CLIC4: variants seen among roughly 807,000 people sequenced by gnomAD.
CLIC4 encodes the protein chloride intracellular channel protein 4.
In CLIC4, 13 loss-of-function variants were observed where a neutral mutation model predicts 24.6. That is an observed-to-expected ratio of 0.53 (90% CI 0.34 to 0.84). The LOEUF is 0.84. Among genes scored for constraint, CLIC4 ranks in the 40% least tolerant of loss-of-function variants. CLIC4 has a pLI of 0.01. For missense variants in CLIC4, 227 were observed against 301.7 expected (o/e 0.75, Z 1.83); for synonymous variants, 104 against 111.3 (o/e 0.93, Z 0.41).
At chr1:24,813,420 CT>C (rs1482832503) in intron 2 of CLIC4, among the ~76,000 whole-genome samples, 12 of 151,532 alleles carry the variant, frequency 7.9e-5, no homozygotes, top group Non-Finnish European at 1.5e-4. Flanking sequence ...TTCTTTTTCT[CT>C]TTTTCTTTTT....
At chr1:24,748,126 G>T (rs893762339) in intron 1 of CLIC4, among the ~76,000 whole-genome samples, 8 of 152,012 alleles carry the variant, frequency 5.3e-5, no homozygotes, top group African/African-American at 1.7e-4. Context: ...GAAAAATTAA[G>T]TATCTGAATT....
chr1:24,837,841 C>A (rs540678916), intron 4 of CLIC4, among the ~76,000 whole-genome samples: 26 of 152,268 alleles, frequency 1.7e-4, no homozygotes, highest in South Asian at 1.0e-3. Flanking sequence ...TGGTGAAACC[C>A]GGTCTTCTCC....
intron 3 of CLIC4, among the ~76,000 whole-genome samples, chr1:24,816,937 T>A (rs2124155692): frequency 6.6e-6 from 1 of 152,330 alleles, no homozygotes; most frequent in East Asian, 1.9e-4. Flanking sequence ...GTAGCTTCAG[T>A]ATAATTCTTA....
chr1:24,798,850 T>G (rs1442014154), intron 2 of CLIC4, among the ~76,000 whole-genome samples: 1 of 152,238 alleles, frequency 6.6e-6, no homozygotes, highest in African/African-American at 2.4e-5. Flanking sequence ...TTTCGCTGTG[T>G]TGGCCGGGCA....
At chr1:24,800,567 C>T (rs1557806420) in intron 2 of CLIC4, among the ~76,000 whole-genome samples, 2 of 152,180 alleles carry the variant, frequency 1.3e-5, no homozygotes, top group African/African-American at 2.4e-5. Context: ...GGGAGGTGTG[C>T]CCAACAGTTC....
intron 3 of CLIC4, among the ~76,000 whole-genome samples, chr1:24,817,871 C>A (rs1639687105): frequency 6.6e-6 from 1 of 152,108 alleles, no homozygotes; most frequent in Admixed American, 6.5e-5. Context: ...ATTATTTTGT[C>A]TCAGGGAGCA....
chr1:24,775,001 G>A (rs1436174934), intron 1 of CLIC4, among the ~76,000 whole-genome samples: 2 of 149,794 alleles, frequency 1.3e-5, no homozygotes, highest in African/African-American at 2.5e-5. Flanking sequence ...AACCCAGGAC[G>A]CACAGGTTGC....
chr1:24,804,724 G>T (rs932896979), intron 2 of CLIC4, among the ~76,000 whole-genome samples: 3 of 152,004 alleles, frequency 2.0e-5, no homozygotes, highest in Non-Finnish European at 4.4e-5. Flanking sequence ...TGAATTAATA[G>T]AATTATTAGT....
intron 1 of CLIC4, among the ~76,000 whole-genome samples, chr1:24,748,024 CAAAA>C (rs34000704): frequency 4.2e-5 from 5 of 118,142 alleles, no homozygotes; most frequent in Non-Finnish European, 3.6e-5. Context: ...GACTTCGTCT[CAAAA>C]AAAAAAAAAA....
chr1:24,768,663 T>C (rs989539217), intron 1 of CLIC4, among the ~76,000 whole-genome samples: 1 of 152,072 alleles, frequency 6.6e-6, no homozygotes, highest in African/African-American at 2.4e-5. Context: ...CTGTAATCCC[T>C]GTACTTTGGG....
intron 1 of CLIC4, among the ~76,000 whole-genome samples, chr1:24,746,000 C>G (rs1441042026): frequency 6.6e-6 from 1 of 150,848 alleles, no homozygotes; most frequent in Non-Finnish European, 1.5e-5. Flanking sequence ...CGCCGGGGCC[C>G]GGCCCCACCC....
At chr1:24,794,433 T>C (rs1175014172) in intron 1 of CLIC4, among the ~76,000 whole-genome samples, 2 of 152,116 alleles carry the variant, frequency 1.3e-5, no homozygotes, top group African/African-American at 4.8e-5. Flanking sequence ...TGTTTTTCTC[T>C]AATGATCAGT....
At chr1:24,799,813 C>CAGCT in intron 2 of CLIC4, among the ~76,000 whole-genome samples, 1 of 59,720 alleles carries the variant, frequency 1.7e-5, no homozygotes, top group Non-Finnish European at 3.6e-5. Context: ...TCTGCCCGGC[C>CAGCT]GCCCCTACTG....
chr1:24,755,597 A>C (rs1445829290), intron 1 of CLIC4, among the ~76,000 whole-genome samples: 2 of 151,538 alleles, frequency 1.3e-5, no homozygotes, highest in Non-Finnish European at 2.9e-5. Context: ...TGACCGACGG[A>C]GATCCTATCT....
rs1639938484 is a variant in CLIC4, at chr1:24,841,200, T to G, written c.*263T>G. On this transcript the variant is annotated 3_prime_UTR_variant, in exon 6 of 6. Transcript: ENST00000374379. The stretch of plus-strand genomic sequence containing the variant: ...TTGGAGACACTCCACCACAAACTTT[T>G]CACTTTAGAGGTAGCTTGCCATCTC... 4.1e-6 allele frequency: 1 copy of G among 244,356 alleles called. No homozygotes were observed. The highest frequency in any genetic ancestry group is 1.6e-4 in the South Asian group (1 of 6,118). 15.1% of individuals were successfully genotyped at this position (244,356 alleles called of 1,614,324 possible).
At position 24,746,955 on chromosome 1, in the gene CLIC4, T is replaced by C. The variant is rs369484475; in HGVS notation, c.72+1330T>C. Among the ~76,000 whole-genome samples the C allele has an allele frequency of 1.6e-4, 24 of 152,166 alleles. No individual in the cohort carries two copies. The East Asian group carries it at 3.5e-3, about 22-fold the overall frequency. On this transcript the variant is annotated intron_variant, in intron 1 of 5. Transcript: ENST00000374379. The stretch of plus-strand genomic sequence containing the variant: ...AGTGAGCCACGTCGCACCACTGCAT[T>C]CCAGCCTGGGCGACAGAGCAAGACC...
intron 2 of CLIC4, among the ~76,000 whole-genome samples, chr1:24,806,082 TTGAA>T (rs1639547948): frequency 6.6e-6 from 1 of 152,230 alleles, no homozygotes; most frequent in Non-Finnish European, 1.5e-5. Context: ...AGGGAAATAT[TTGAA>T]TGAGTTTTAA....
chr1:24,822,402 G>T (rs1207260691), intron 3 of CLIC4, among the ~76,000 whole-genome samples: 1 of 136,982 alleles, frequency 7.3e-6, no homozygotes, highest in Non-Finnish European at 1.5e-5. Context: ...AGGCTGGAGT[G>T]CAGTGGCAGC....
chr1:24,822,788 T>A (rs1400294496), intron 3 of CLIC4, among the ~76,000 whole-genome samples: 2 of 152,232 alleles, frequency 1.3e-5, no homozygotes, highest in Non-Finnish European at 2.9e-5. Context: ...AAATGCTAAT[T>A]AATTAGCATA....
Sources: allele counts gnomAD v4.1 joint callset (sites outside exome capture counted in the v4.1 genomes callset), GRCh38; gene constraint gnomAD v4.1.1; transcripts MANE v1.5; gene names NCBI Gene and HGNC (gene_info 2026-07-23, HGNC 2026-07-21).